The following WRN variants were observed in gnomAD, a reference collection of about 807,000 sequenced individuals.
The protein encoded by WRN is bifunctional 3'-5' exonuclease/ATP-dependent helicase WRN.
Under a neutral mutation model 180.7 loss-of-function variants are expected in WRN, and 149 were observed. That is an observed-to-expected ratio of 0.82 (90% CI 0.72 to 0.94). The LOEUF (loss-of-function observed/expected upper bound fraction) is 0.94, where lower values mean the gene tolerates loss of function less well. WRN is among the 40% of genes least tolerant of loss of function. The probability of loss-of-function intolerance (pLI) is 0.00; values close to 1 mark genes in which losing one functional copy is unlikely to be tolerated. For missense variants in WRN, 1,661 were observed against 1,700.1 expected (o/e 0.98, Z 0.40); for synonymous variants, 548 against 568.9 (o/e 0.96, Z 0.52).
chr8:31,072,458 G>T (rs75027493), intron 7 of WRN, among the ~76,000 whole-genome samples: 1,555 of 152,222 alleles, frequency 0.01, 28 homozygotes, highest in African/African-American at 0.036. Context: ...AGAATGAGGT[G>T]GGTGGAAGTC....
intron 31 of WRN, among the ~76,000 whole-genome samples, chr8:31,152,323 T>A (rs1396292771): frequency 3.1e-4 from 46 of 149,318 alleles, no homozygotes; most frequent in Admixed American, 2.4e-3. Flanking sequence ...AGAGCGAGAC[T>A]CCATCTCAAA....
chr8:31,138,836 A>G (rs756014829), intron 24 of WRN, among the ~76,000 whole-genome samples: 2 of 152,204 alleles, frequency 1.3e-5, no homozygotes, highest in Non-Finnish European at 2.9e-5. Flanking sequence ...TTTAAGTCCA[A>G]TGTATAGGCA....
At position 31,081,332 on chromosome 8, in the gene WRN, A is replaced by G. The variant is rs185465419; in HGVS notation, c.1269+36A>G. The stretch of plus-strand genomic sequence containing the variant: ...AAGAGGAAGCACATTTTTAGTTATT[A>G]GTAGGTTCTGGCAGACTTTATTCCC... On this transcript the variant is annotated intron_variant, in intron 9 of 34. Coordinates refer to ENST00000298139, the MANE Select transcript of WRN (RefSeq NM_000553.6). 3.8e-4 allele frequency: 619 copies of G among 1,608,278 alleles called. 3 individuals carry two copies. Among genetic ancestry groups the G allele is most frequent in the Admixed American group, 1.0e-3 (61 of 59,806 alleles).
At chr8:31,067,592 T>C (rs1052073407) in intron 6 of WRN, among the ~76,000 whole-genome samples, 4 of 152,218 alleles carry the variant, frequency 2.6e-5, no homozygotes, top group African/African-American at 7.2e-5. Context: ...TTATTTCTTA[T>C]ATATAAAATG....
chr8:31,156,520 T>C (rs1206185386), intron 32 of WRN, among the ~76,000 whole-genome samples: 2 of 152,242 alleles, frequency 1.3e-5, no homozygotes, highest in East Asian at 3.8e-4. Flanking sequence ...CTAGTAGACA[T>C]TTAATGAAAG....
chr8:31,138,535 G>A (rs1802486818), intron 24 of WRN, among the ~76,000 whole-genome samples: 1 of 152,006 alleles, frequency 6.6e-6, no homozygotes, highest in Non-Finnish European at 1.5e-5. Flanking sequence ...TTGTACATTC[G>A]ATCTCTAGAC....
intron 8 of WRN, among the ~76,000 whole-genome samples, chr8:31,080,191 TTTAAC>T (rs1044623957): frequency 6.6e-6 from 1 of 152,246 alleles, no homozygotes; most frequent in African/African-American, 2.4e-5. Flanking sequence ...CAAATTTTCT[TTTAAC>T]TTAAAGTGTT....
At chr8:31,113,233 A>G (rs1801385936) in intron 19 of WRN, among the ~76,000 whole-genome samples, 1 of 151,474 alleles carries the variant, frequency 6.6e-6, no homozygotes, top group Non-Finnish European at 1.5e-5. Context: ...TTCTACCAAT[A>G]CAAACACAAA....
chr8:31,104,639 G>A (rs1350462049), intron 18 of WRN, among the ~76,000 whole-genome samples: 1 of 152,106 alleles, frequency 6.6e-6, no homozygotes, highest in Non-Finnish European at 1.5e-5. Context: ...ACAGTTTTAT[G>A]TTTTAAGTCT....
intron 28 of WRN, among the ~76,000 whole-genome samples, chr8:31,144,428 C>T (rs774082862): frequency 3.2e-4 from 49 of 151,938 alleles, no homozygotes; most frequent in South Asian, 3.1e-3. Context: ...CTTCGCCTCC[C>T]GGGTTCAAGC....
At chr8:31,111,984 T>C (rs906855954) in intron 19 of WRN, among the ~76,000 whole-genome samples, 185 bp downstream of exon 19, 1 of 152,204 alleles carries the variant, frequency 6.6e-6, no homozygotes, top group Non-Finnish European at 1.5e-5. Context: ...GACTAGTGTA[T>C]TTTTAAAAGC....
intron 7 of WRN, among the ~76,000 whole-genome samples, chr8:31,073,944 T>C (rs1195770840): frequency 6.6e-6 from 1 of 150,762 alleles, no homozygotes; most frequent in Non-Finnish European, 1.5e-5. Context: ...TGAGACAGAG[T>C]CTTGCTCAGT....
intron 27 of WRN, 147 bp downstream of exon 27, chr8:31,142,848 C>A: frequency 1.6e-6 from 1 of 618,824 alleles, no homozygotes; most frequent in Non-Finnish European, 2.7e-6. Context: ...GTGATGTGAA[C>A]AGACTAAAAT....
chr8:31,116,640 C>T, intron 20 of WRN, 112 bp downstream of exon 20: 2 of 1,425,038 alleles, frequency 1.4e-6, no homozygotes, highest in Admixed American at 1.8e-5. Context: ...GAACATAAAG[C>T]AGTCCCTCTG....
In WRN at chr8:31,154,764, G is replaced by T; in HGVS notation, c.3819+9G>T. On this transcript the variant is annotated intron_variant, in intron 32 of 34. Transcript: ENST00000298139. ...AAAAGAAGATGCCTTTGGTAAGTGT[G>T]ACTTTCATGTTACAGGGAATTTTTT... is the stretch of plus-strand genomic sequence containing the variant. 2 of 1,613,148 alleles carry T rather than the reference G, an allele frequency of 1.2e-6. No homozygotes were observed. The highest frequency in any genetic ancestry group is 2.2e-5 in the South Asian group (2 of 91,008).
intron 1 of WRN, among the ~76,000 whole-genome samples, chr8:31,037,854 T>C (rs1811507839): frequency 6.6e-6 from 1 of 152,256 alleles, no homozygotes; most frequent in African/African-American, 2.4e-5. Flanking sequence ...AACATTGCTT[T>C]GGCTATTCAG....
chr8:31,151,804 T>C (rs1379033419), intron 31 of WRN, among the ~76,000 whole-genome samples: 1 of 152,194 alleles, frequency 6.6e-6, no homozygotes, highest in Non-Finnish European at 1.5e-5. Context: ...GAAATTATAC[T>C]TGGGTTATTC....
At chr8:31,167,615 A>G (rs542312044) in intron 34 of WRN, among the ~76,000 whole-genome samples, 14 of 152,110 alleles carry the variant, frequency 9.2e-5, no homozygotes, top group South Asian at 2.1e-4. Flanking sequence ...TTATCATTCT[A>G]TCATTCTTCA....
chr8:31,091,779 G>A (rs1454954492), intron 15 of WRN, 51 bp from the exon 16 acceptor site: 1 of 1,435,468 alleles, frequency 7.0e-7, no homozygotes, highest in Admixed American at 1.7e-5. Context: ...GAGTGAAATT[G>A]ATATGTGTAA....
Sources: gnomAD v4.1 joint callset for allele counts (sites outside exome capture counted in the v4.1 genomes callset) on GRCh38, gnomAD v4.1.1 for gene constraint, MANE v1.5 for transcripts, NCBI Gene and HGNC (gene_info 2026-07-23, HGNC 2026-07-21) for gene names.